CHCHD3: variants seen among roughly 807,000 people sequenced by gnomAD.
The protein encoded by CHCHD3 is coiled-coil-helix-coiled-coil-helix domain containing 3, also known as MICOS complex subunit MIC19.
CHCHD3 carries 20 observed loss-of-function variants against 38.2 expected under a neutral mutation model. That is an observed-to-expected ratio of 0.52 (90% CI 0.37 to 0.76). The LOEUF is 0.76. CHCHD3 is among the 30% of genes least tolerant of loss of function. The pLI is 0.00. For synonymous variants in CHCHD3, 82 were observed against 100.0 expected (o/e 0.82, Z 1.07); for missense variants, 245 against 279.2 (o/e 0.88, Z 0.87).
chr7:133,028,944 AG>A (rs1452430221), intron 2 of CHCHD3, among the ~76,000 whole-genome samples: 1 of 151,836 alleles, frequency 6.6e-6, no homozygotes, highest in Non-Finnish European at 1.5e-5. Flanking sequence ...TAGCATACTG[AG>A]CCCCTCACCA....
At chr7:133,011,359 G>A (rs368584104) in intron 3 of CHCHD3, among the ~76,000 whole-genome samples, 5 of 152,246 alleles carry the variant, frequency 3.3e-5, no homozygotes, top group East Asian at 1.9e-4. Context: ...AGAATGTGGC[G>A]GACAAGAATA....
At chr7:132,907,158 C>T (rs1028276676) in intron 4 of CHCHD3, among the ~76,000 whole-genome samples, 12 of 152,174 alleles carry the variant, frequency 7.9e-5, no homozygotes, top group Non-Finnish European at 1.6e-4. Context: ...TTGTACAAGA[C>T]CCTCAGTCAC....
chr7:133,077,306 G>A (rs755807743), intron 1 of CHCHD3, among the ~76,000 whole-genome samples: 4 of 152,308 alleles, frequency 2.6e-5, no homozygotes, highest in Non-Finnish European at 5.9e-5. Flanking sequence ...CCCAAGGGCT[G>A]ACCGAATTTG....
intron 1 of CHCHD3, among the ~76,000 whole-genome samples, chr7:133,077,004 G>C (rs1815010174): frequency 6.6e-6 from 1 of 151,978 alleles, no homozygotes; most frequent in Non-Finnish European, 1.5e-5. Context: ...ACCTTTTTAA[G>C]ACATAGGCTC....
At chr7:132,810,304 A>G (rs11762708) in intron 6 of CHCHD3, among the ~76,000 whole-genome samples, 57,633 of 152,126 alleles carry the variant, frequency 0.38, 11,559 homozygotes, top group Middle Eastern at 0.52. Flanking sequence ...CGGGTGTATA[A>G]GCACACTGAA....
At chr7:133,033,789 C>T (rs1382613889) in intron 2 of CHCHD3, among the ~76,000 whole-genome samples, 1 of 152,096 alleles carries the variant, frequency 6.6e-6, no homozygotes, top group Non-Finnish European at 1.5e-5. Context: ...TTATAAAGAT[C>T]ATCTTAATTT....
chr7:132,884,989 T>G (rs1585603680), intron 5 of CHCHD3, among the ~76,000 whole-genome samples: 1 of 152,336 alleles, frequency 6.6e-6, no homozygotes, highest in East Asian at 1.9e-4. Context: ...CAGTGGCTCA[T>G]GCCTGTAATC....
chr7:132,857,464 A>G (rs375108201), intron 5 of CHCHD3, among the ~76,000 whole-genome samples: 54 of 152,140 alleles, frequency 3.5e-4, no homozygotes, highest in African/African-American at 1.0e-3. Context: ...CTGGAGTCCA[A>G]TGGTGTGGTC....
At chr7:132,791,839 T>G (rs533370007) in intron 7 of CHCHD3, among the ~76,000 whole-genome samples, 1 of 152,270 alleles carries the variant, frequency 6.6e-6, no homozygotes, top group East Asian at 1.9e-4. Context: ...CACATTAGGA[T>G]CTAGCCTCAT....
At chr7:133,038,867 A>G (rs1813752006) in intron 2 of CHCHD3, among the ~76,000 whole-genome samples, 1 of 152,236 alleles carries the variant, frequency 6.6e-6, no homozygotes, top group Non-Finnish European at 1.5e-5. Flanking sequence ...ATAGAGACCT[A>G]TTCATTTTAT....
intron 3 of CHCHD3, among the ~76,000 whole-genome samples, chr7:132,989,698 G>A (rs1458668784): frequency 1.3e-5 from 2 of 152,022 alleles, no homozygotes. Flanking sequence ...CTATATCCAT[G>A]GCTCCTGCAC....
intron 3 of CHCHD3, among the ~76,000 whole-genome samples, chr7:133,000,937 C>A (rs974897771): frequency 3.3e-5 from 5 of 152,138 alleles, no homozygotes; most frequent in Admixed American, 1.3e-4. Flanking sequence ...TAGCTAGGCA[C>A]AAGTTAGGTA....
chr7:132,874,299 A>T (rs1203306718), intron 5 of CHCHD3, among the ~76,000 whole-genome samples: 8 of 152,180 alleles, frequency 5.3e-5, no homozygotes, highest in African/African-American at 1.7e-4. Flanking sequence ...GTGATTACTG[A>T]CCATCATCAA....
intron 2 of CHCHD3, among the ~76,000 whole-genome samples, chr7:133,064,848 G>A (rs769930827): frequency 4.6e-5 from 7 of 152,006 alleles, no homozygotes; most frequent in East Asian, 3.9e-4. Flanking sequence ...AGTAGCTTAC[G>A]AAAACAACAA....
chr7:132,877,282 A>AT (rs1389687085), intron 5 of CHCHD3, among the ~76,000 whole-genome samples: 2 of 152,148 alleles, frequency 1.3e-5, no homozygotes, highest in African/African-American at 4.8e-5. Flanking sequence ...AAGCCAACGC[A>AT]TTTTGAGGAT....
chr7:132,897,510 G>A (rs147606720), intron 4 of CHCHD3, among the ~76,000 whole-genome samples: 4 of 152,284 alleles, frequency 2.6e-5, no homozygotes, highest in African/African-American at 4.8e-5. Context: ...AGTAAGCGAG[G>A]CTCCAAGCTC....
intron 6 of CHCHD3, among the ~76,000 whole-genome samples, chr7:132,835,474 CCTAA>C (rs1332422405): frequency 6.6e-6 from 1 of 152,130 alleles, no homozygotes; most frequent in African/African-American, 2.4e-5. Context: ...TAAAACAAAG[CCTAA>C]CTTACAGGGC....
intron 2 of CHCHD3, among the ~76,000 whole-genome samples, chr7:133,030,456 C>A (rs1813469025): frequency 6.6e-6 from 1 of 152,142 alleles, no homozygotes; most frequent in African/African-American, 2.4e-5. Flanking sequence ...ACAAGAAAGG[C>A]CAACTTTGCC....
intron 2 of CHCHD3, among the ~76,000 whole-genome samples, chr7:133,048,143 A>G (rs13238681): frequency 0.46 from 69,068 of 148,606 alleles, 16,518 homozygotes; most frequent in African/African-American, 0.62. Context: ...AGGTTAAATA[A>G]AAAAAAAAAA....
Sources: allele counts gnomAD v4.1 joint callset (sites outside exome capture counted in the v4.1 genomes callset), GRCh38; gene constraint gnomAD v4.1.1; transcripts MANE v1.5; gene names NCBI Gene and HGNC (gene_info 2026-07-23, HGNC 2026-07-21).